Variants in MMP26 observed in about 807,000 individuals in gnomAD.
MMP26 encodes the protein matrix metalloproteinase-26.
A neutral mutation model predicts 31.0 loss-of-function variants in MMP26; 33 were observed. That is an observed-to-expected ratio of 1.06 (90% confidence interval 0.81 to 1.42). The LOEUF (loss-of-function observed/expected upper bound fraction) is 1.42. Ranked by LOEUF, MMP26 falls within the 40% of genes most tolerant of loss-of-function variation. MMP26 has a pLI of 0.00. For missense variants in MMP26, 347 were observed against 316.1 expected (o/e 1.10, Z -0.74); for synonymous variants, 122 against 114.9 (o/e 1.06, Z -0.40).
intron 2 of MMP26, among the ~76,000 whole-genome samples, chr11:4,864,933 T>G (rs1042195468): frequency 1.3e-5 from 2 of 152,044 alleles, no homozygotes; most frequent in Admixed American, 1.3e-4. Flanking sequence ...ATAGAGTTCG[T>G]GAGTCTTATA....
chr11:4,724,875 A>G lies in MMP26; in HGVS notation c.-217+19830A>G, dbSNP rs183437456. Among the ~76,000 whole-genome samples, 8 of 152,348 alleles carry G rather than the reference A, an allele frequency of 5.3e-5. No individual in the cohort carries two copies. In the East Asian group the frequency reaches 1.5e-3, roughly 29 times the overall value. ...AATACACAATTCACTAAAGAATTAA[A>G]AAAGTTATTATAGACTGATATGGTT... On this transcript the variant is annotated intron_variant, in intron 1 of 7. Transcript: ENST00000380390.
At chr11:4,841,480 G>C (rs549280109) in intron 2 of MMP26, among the ~76,000 whole-genome samples, 2 of 152,162 alleles carry the variant, frequency 1.3e-5, no homozygotes, top group Non-Finnish European at 2.9e-5. Flanking sequence ...TTACAGGCCA[G>C]GAGAGAGTAA....
At chr11:4,916,913 G>A (rs923667074) in intron 2 of MMP26, among the ~76,000 whole-genome samples, 4 of 152,198 alleles carry the variant, frequency 2.6e-5, no homozygotes, top group African/African-American at 9.7e-5. Flanking sequence ...TGAACACAGG[G>A]CAGTGATGCT....
intron 2 of MMP26, chr11:4,923,450 T>G: frequency 6.2e-7 from 1 of 1,611,014 alleles, no homozygotes; most frequent in Non-Finnish European, 8.5e-7. Flanking sequence ...TTGCTTGGTC[T>G]TGATGCTGTA....
At chr11:4,751,521 T>G (rs1848446658) in intron 1 of MMP26, among the ~76,000 whole-genome samples, 1 of 151,998 alleles carries the variant, frequency 6.6e-6, no homozygotes, top group Non-Finnish European at 1.5e-5. Flanking sequence ...ATGAAAAAAC[T>G]GCATGCATTT....
chr11:4,809,996 A>G (rs149516835), intron 2 of MMP26, among the ~76,000 whole-genome samples: 1 of 152,336 alleles, frequency 6.6e-6, no homozygotes, highest in East Asian at 1.9e-4. Flanking sequence ...AGGCATATTT[A>G]AAGGGTTATG....
chr11:4,756,482 GT>G (rs941372902), intron 1 of MMP26, among the ~76,000 whole-genome samples: 36 of 149,552 alleles, frequency 2.4e-4, no homozygotes, highest in East Asian at 5.8e-4. Flanking sequence ...ACTTAAATAA[GT>G]TTTTTTTTTA....
chr11:4,731,673 ATTAC>A (rs1225558516), intron 1 of MMP26, among the ~76,000 whole-genome samples: 1 of 152,184 alleles, frequency 6.6e-6, no homozygotes, highest in African/African-American at 2.4e-5. Context: ...TTAATGTTCT[ATTAC>A]TTAATCTAAT....
intron 2 of MMP26, chr11:4,804,535 G>A: frequency 1.3e-6 from 1 of 785,094 alleles, no homozygotes. Flanking sequence ...AATTTCAACT[G>A]TTTTAATAAA....
chr11:4,981,367 A>G (rs1237176308), intron 2 of MMP26, among the ~76,000 whole-genome samples: 2 of 152,182 alleles, frequency 1.3e-5, no homozygotes, highest in African/African-American at 4.8e-5. Flanking sequence ...TATATGCTAT[A>G]GCCTATTGTT....
intron 2 of MMP26, chr11:4,943,738 A>C (rs905821488): frequency 6.7e-5 from 24 of 360,588 alleles, no homozygotes; most frequent in Middle Eastern, 3.8e-4. Context: ...TTAATCCTCC[A>C]AAAACTACAT....
At chr11:4,761,656 T>G (rs1848570190) in intron 1 of MMP26, among the ~76,000 whole-genome samples, 1 of 152,220 alleles carries the variant, frequency 6.6e-6, no homozygotes, top group African/African-American at 2.4e-5. Flanking sequence ...GAATCATTTC[T>G]TTAGAGATGG....
At chr11:4,762,286 T>G (rs955441977) in intron 1 of MMP26, among the ~76,000 whole-genome samples, 9 of 152,180 alleles carry the variant, frequency 5.9e-5, no homozygotes, top group Admixed American at 5.2e-4. Context: ...TTGTTTTAGT[T>G]AATGTTTAGG....
chr11:4,838,883 G>C (rs1849757461), intron 2 of MMP26, among the ~76,000 whole-genome samples: 1 of 152,142 alleles, frequency 6.6e-6, no homozygotes, highest in East Asian at 1.9e-4. Context: ...ATAATAAAAA[G>C]GCACTGAAAA....
At chr11:4,929,082 A>G (rs888953052) in intron 2 of MMP26, among the ~76,000 whole-genome samples, 1 of 152,162 alleles carries the variant, frequency 6.6e-6, no homozygotes, top group African/African-American at 2.4e-5. Context: ...ACTAGCTACA[A>G]GTAGTCTGGA....
Position 4,945,738 on chromosome 11 carries a change from A to G in MMP26, c.-144-42330A>G. ...ACATGTATCCCAATATGGAATATAA[A>G]TGATTAAATTAAAAAAATGGTTGTA... On this transcript the variant is annotated intron_variant, in intron 2 of 7. Coordinates refer to ENST00000380390, the MANE Select transcript of MMP26 (RefSeq NM_021801.5). The G allele has an allele frequency of 1.3e-5, 3 of 231,846 alleles. No individual in the cohort carries two copies. In the South Asian group the frequency reaches 1.8e-4, roughly 14 times the overall value. 14.4% of individuals were successfully genotyped at this position (231,846 alleles called of 1,614,324 possible).
chr11:4,916,319 C>G (rs1851090915), intron 2 of MMP26, among the ~76,000 whole-genome samples: 1 of 152,054 alleles, frequency 6.6e-6, no homozygotes, highest in Admixed American at 6.6e-5. Flanking sequence ...TCTGCTCCTT[C>G]AGACTAAGAA....
chr11:4,808,063 C>T (rs1221747220), intron 2 of MMP26, among the ~76,000 whole-genome samples: 1 of 152,152 alleles, frequency 6.6e-6, no homozygotes, highest in African/African-American at 2.4e-5. Context: ...GCCTTGGCCT[C>T]CCGAAGTGCT....
intron 2 of MMP26, among the ~76,000 whole-genome samples, chr11:4,963,250 G>C (rs1000005288): frequency 6.6e-6 from 1 of 152,094 alleles, no homozygotes; most frequent in Non-Finnish European, 1.5e-5. Flanking sequence ...CAAACAAATG[G>C]AAAAACACTC....
Sources: allele counts gnomAD v4.1 joint callset (sites outside exome capture counted in the v4.1 genomes callset), GRCh38; gene constraint gnomAD v4.1.1; transcripts MANE v1.5; gene names NCBI Gene and HGNC (gene_info 2026-07-23, HGNC 2026-07-21).